CRYM: variants seen among roughly 807,000 people sequenced by gnomAD.
CRYM encodes the protein ketimine reductase mu-crystallin.
A neutral mutation model predicts 32.9 loss-of-function variants in CRYM; 18 were observed. The ratio of observed to expected loss-of-function variants is 0.55; its 90% CI spans 0.38 to 0.81. CRYM has a LOEUF of 0.81. Ranked by LOEUF, CRYM falls within the 30% of genes least tolerant of loss-of-function variation. CRYM has a pLI of 0.00. For missense variants in CRYM, 337 were observed against 393.5 expected (o/e 0.86, Z 1.21); for synonymous variants, 153 against 152.4 (o/e 1.00, Z -0.03).
intron 1 of CRYM, among the ~76,000 whole-genome samples, chr16:21,287,306 A>T (rs193036866): frequency 3.7e-4 from 56 of 152,296 alleles, no homozygotes; most frequent in African/African-American, 1.3e-3. Flanking sequence ...AACAACCATA[A>T]GACCTATTTT....
In CRYM at chr16:21,277,937, C is replaced by A. The variant is rs1472541085; in HGVS notation, c.170+145G>T. 2.1e-6 allele frequency: 2 copies of A among 952,056 alleles called. No individual in the cohort carries two copies. The highest frequency in any genetic ancestry group is 3.1e-6 in the Non-Finnish European group (2 of 650,454). 59.0% of individuals were successfully genotyped at this position (952,056 alleles called of 1,614,324 possible). The stretch of plus-strand genomic sequence containing the variant: ...ACACCTGTAAAACGCCCACTTAGCA[C>A]ACCGGGTAGCGCCTATTAAAAGTGG... On this transcript the variant is annotated intron_variant, in intron 1 of 7. Coordinates refer to ENST00000572914, the MANE Select transcript of CRYM (RefSeq NM_001376256.1). This position sits in a 1 kb window ranked among gnomAD's most constrained non-coding sequence, Gnocchi z 4.2.
chr16:21,261,723 T>C (rs1254833234), intron 6 of CRYM: 3 of 465,264 alleles, frequency 6.4e-6, no homozygotes, highest in South Asian at 6.4e-5. Flanking sequence ...AGTCTTATCA[T>C]GTTGGCCACA....
chr16:21,261,409 C>G (rs897294058), intron 6 of CRYM, 71 bp from the exon 7 acceptor site: 7 of 1,063,302 alleles, frequency 6.6e-6, no homozygotes, highest in African/African-American at 6.4e-5. Context: ...TGAAGCCAGC[C>G]CAGGGAATTC....
chr16:21,297,468 T>C (rs758273588), intron 1 of CRYM, among the ~76,000 whole-genome samples: 1 of 152,156 alleles, frequency 6.6e-6, no homozygotes, highest in Non-Finnish European at 1.5e-5. Flanking sequence ...CTGAAGAATA[T>C]ACAAATGAAA....
At chr16:21,267,089 G>A (rs1220919098) in intron 5 of CRYM, among the ~76,000 whole-genome samples, 1 of 152,024 alleles carries the variant, frequency 6.6e-6, no homozygotes, top group African/African-American at 2.4e-5. Context: ...TACATTTCTT[G>A]GAGCAAATAT....
At chr16:21,290,995 C>G (rs928381951) in intron 1 of CRYM, among the ~76,000 whole-genome samples, 1 of 152,140 alleles carries the variant, frequency 6.6e-6, no homozygotes, top group East Asian at 1.9e-4. Context: ...CTGTAATTAT[C>G]AACACAAACT....
chr16:21,291,999 G>A (rs1462945494), intron 1 of CRYM, among the ~76,000 whole-genome samples: 1 of 152,004 alleles, frequency 6.6e-6, no homozygotes, highest in Non-Finnish European at 1.5e-5. Context: ...AGTCACAAAA[G>A]CTTGATTGGA....
In CRYM at chr16:21,261,216, G is replaced by A. The variant is rs149727600; in HGVS notation, c.880+38C>T. On this transcript the variant is annotated intron_variant, in intron 7 of 7. Transcript: ENST00000572914. The stretch of plus-strand genomic sequence containing the variant: ...ACCAATGGGTGAACCTGCCTTGTGC[G>A]CTAGTTGGATTTGTGCCCAGGGAGC... 2.5e-4 allele frequency: 381 copies of A among 1,505,570 alleles called. 1 individual carries two copies. Among genetic ancestry groups the A allele is most frequent in the East Asian group, 2.1e-3 (92 of 44,394 alleles). 93.3% of individuals were successfully genotyped at this position (1,505,570 alleles called of 1,614,324 possible). A position where few individuals can be genotyped will look rare whatever the true frequency, so the allele number is the denominator to read the frequency against.
At chr16:21,284,289 GCTTTT>G (rs982342994) in intron 1 of CRYM, among the ~76,000 whole-genome samples, 17 of 152,162 alleles carry the variant, frequency 1.1e-4, no homozygotes, top group African/African-American at 3.9e-4. Flanking sequence ...ACTTCATCGG[GCTTTT>G]CTTTTTCTTT....
rs2093355497 is a variant in CRYM, at chr16:21,262,048, G to C, written c.784C>G (p.Leu262Val). 1 of 1,614,016 alleles carries C rather than the reference G, an allele frequency of 6.2e-7. No homozygotes were observed. The highest frequency in any genetic ancestry group is 8.5e-7 in the Non-Finnish European group (1 of 1,179,962). Reference sequence around the variant, plus strand: ...CAGAAGGGCCTCACCCCTGACAGCAGGACATCTCCAGACTCCTTCAGGGCA... The same window carrying C: ...CAGAAGGGCCTCACCCCTGACAGCACGACATCTCCAGACTCCTTCAGGGCA... ...EAALKESGDV[L>V]LSGAEIFAEL... is the part of the protein sequence containing the mutation. Residue 262 changes from leucine to valine, a missense_variant, in exon 6 of 8, where the codon CTG (leucine) becomes GTG (valine). Coordinates refer to ENST00000572914, the MANE Select transcript of CRYM (RefSeq NM_001376256.1).
intron 1 of CRYM, among the ~76,000 whole-genome samples, chr16:21,298,288 T>G (rs948267414): frequency 9.9e-5 from 15 of 152,234 alleles, no homozygotes; most frequent in African/African-American, 3.6e-4. Flanking sequence ...ATTCTACCTT[T>G]AGGTATATAC....
chr16:21,283,676 G>C (rs1344520465), intron 1 of CRYM: 1 of 151,966 alleles, frequency 6.6e-6, no homozygotes, highest in East Asian at 1.9e-4. Context: ...GTGGGGCGGT[G>C]GGGGGACTGA....
At chr16:21,267,767 G>A in intron 4 of CRYM, 30 bp from the exon 5 acceptor site, 1 of 1,613,796 alleles carries the variant, frequency 6.2e-7, no homozygotes, top group Non-Finnish European at 8.5e-7. Context: ...AAGGATATTG[G>A]CGCCATTTTT....
rs567156130 is a variant in CRYM, at chr16:21,290,240, C to T, written c.-192-11280G>A. Among the ~76,000 whole-genome samples, 10 of 152,320 alleles carry T rather than the reference C, an allele frequency of 6.6e-5. No individual in the cohort carries two copies. In the East Asian group the frequency reaches 9.7e-4, roughly 15 times the overall value. On this transcript the variant is annotated intron_variant, in intron 1 of 9. Transcript: ENST00000219599. ...TGCTCACTGTTTGGGTCCACACTACCTTTGTGAACTGTAACACTAACCACG... is the reference window on the plus strand; with the variant it reads ...TGCTCACTGTTTGGGTCCACACTACTTTTGTGAACTGTAACACTAACCACG...
At chr16:21,263,025 C>T (rs188558712) in intron 5 of CRYM, among the ~76,000 whole-genome samples, 45 of 152,310 alleles carry the variant, frequency 3.0e-4, no homozygotes, top group African/African-American at 8.4e-4. Context: ...TCACCCTCAA[C>T]CAGTTCTTTT....
Position 21,296,591 on chromosome 16 carries a change from A to G in CRYM, c.-193+6387T>C, listed in dbSNP as rs566700903. ...TATTCTAATAAACTACTTCACTTTA[A>G]TAATAAAATGGGGCAGGGACTTTTA... is the stretch of plus-strand genomic sequence containing the variant. On this transcript the variant is annotated intron_variant, in intron 1 of 9. Transcript: ENST00000219599. Among the ~76,000 whole-genome samples the G allele has an allele frequency of 6.6e-5, 10 of 152,380 alleles. No individual in the cohort carries two copies. In the East Asian group the frequency reaches 1.9e-3, roughly 29 times the overall value.
intron 1 of CRYM, among the ~76,000 whole-genome samples, chr16:21,297,238 C>T (rs972385738): frequency 3.1e-4 from 44 of 143,868 alleles, no homozygotes; most frequent in Admixed American, 6.9e-4. Context: ...ACTAAAAATA[C>T]GAAAAATTAG....
intron 1 of CRYM, among the ~76,000 whole-genome samples, chr16:21,294,046 C>T (rs1960730973): frequency 6.6e-6 from 1 of 152,232 alleles, no homozygotes; most frequent in Non-Finnish European, 1.5e-5. Flanking sequence ...CATAACTTCT[C>T]ATTACCATCT....
chr16:21,286,479 G>C (rs373806665), intron 1 of CRYM, among the ~76,000 whole-genome samples: 1 of 150,510 alleles, frequency 6.6e-6, no homozygotes, highest in African/African-American at 2.4e-5. Flanking sequence ...CACCCGCCTC[G>C]GCCTCCCAAA....
Sources: allele counts gnomAD v4.1 joint callset (sites outside exome capture counted in the v4.1 genomes callset), GRCh38; gene constraint gnomAD v4.1.1; non-coding constraint Gnocchi (gnomAD v3.1); transcripts MANE v1.5; gene names NCBI Gene and HGNC (gene_info 2026-07-23, HGNC 2026-07-21).